The following BRDT variants were observed in gnomAD, a reference collection of about 807,000 sequenced individuals.
The protein encoded by BRDT is bromodomain testis associated.
In BRDT, 77 loss-of-function variants were observed where a neutral mutation model predicts 113.9. That is an observed-to-expected ratio of 0.68 (90% CI 0.56 to 0.82). The LOEUF is 0.82. BRDT is among the 40% of genes least tolerant of loss of function. BRDT has a pLI of 0.00. For synonymous variants in BRDT, 358 were observed against 366.5 expected (o/e 0.98, Z 0.26); for missense variants, 1,027 against 1,105.4 (o/e 0.93, Z 1.01).
At chr1:91,954,579 C>T (rs1169509740) in intron 1 of BRDT, among the ~76,000 whole-genome samples, 1 of 152,220 alleles carries the variant, frequency 6.6e-6, no homozygotes, top group Non-Finnish European at 1.5e-5. Context: ...CGTGTATGAC[C>T]CATCTTTCTA....
intron 1 of BRDT, chr1:91,950,587 G>A (rs1392167060): frequency 1.3e-5 from 2 of 148,764 alleles, no homozygotes; most frequent in Non-Finnish European, 3.0e-5. Flanking sequence ...ACAAATAGAA[G>A]TTAGACTAAA....
chr1:91,968,287 G>T, intron 4 of BRDT, 27 bp downstream of exon 4: 1 of 1,608,550 alleles, frequency 6.2e-7, no homozygotes, highest in South Asian at 1.1e-5. Context: ...ACACTTTATG[G>T]TTCTCTCTCT....
intron 1 of BRDT, among the ~76,000 whole-genome samples, chr1:91,954,271 ATTTTTTTTT>A (rs34674557): frequency 1.3e-5 from 1 of 79,764 alleles, no homozygotes; most frequent in African/African-American, 5.1e-5. Flanking sequence ...GGTGCTCGGC[ATTTTTTTTT>A]TTTTTTTTTT....
chr1:91,984,203 T>C (rs568339385), intron 12 of BRDT, among the ~76,000 whole-genome samples: 1 of 152,316 alleles, frequency 6.6e-6, no homozygotes, highest in East Asian at 1.9e-4. Flanking sequence ...AATTGGACCT[T>C]TTGTCCTAAT....
At chr1:91,949,933 C>T (rs928435951) in intron 1 of BRDT, 1 of 151,002 alleles carries the variant, frequency 6.6e-6, no homozygotes. Flanking sequence ...GCTGCCTGTA[C>T]TGTAATTTTG....
At position 92,005,313 on chromosome 1, in the gene BRDT, A is replaced by C; in HGVS notation, c.2775+14A>C. 6.6e-7 allele frequency: 1 copy of C among 1,518,644 alleles called. No individual in the cohort carries two copies. The highest frequency in any genetic ancestry group is 8.8e-7 in the Non-Finnish European group (1 of 1,139,278). The allele number at this position is 1,518,644 out of a possible 1,614,324, so 94.1% of individuals were successfully genotyped here. ...AGGAGAGAAGCAGTAAGTGAATTTTAGTTTACTAAATCTAATTTAACAAGG... is the reference window on the plus strand; with the variant it reads ...AGGAGAGAAGCAGTAAGTGAATTTTCGTTTACTAAATCTAATTTAACAAGG... On this transcript the variant is annotated intron_variant, in intron 18 of 18. Coordinates refer to ENST00000399546, the MANE Select transcript of BRDT (RefSeq NM_207189.4).
chr1:92,003,033 G>A (rs374893626), intron 16 of BRDT, among the ~76,000 whole-genome samples: 1 of 152,136 alleles, frequency 6.6e-6, no homozygotes, highest in East Asian at 1.9e-4. Context: ...ATCTAAAGGT[G>A]AGAAGGTGGA....
At chr1:91,978,400 C>G (rs769700201) in intron 7 of BRDT, 104 bp downstream of exon 7, 19 of 1,323,862 alleles carry the variant, frequency 1.4e-5, no homozygotes, top group Non-Finnish European at 1.9e-5. Flanking sequence ...TCCTACACCT[C>G]TAAGTATTAA....
At chr1:91,985,278 T>C (rs1685107709) in intron 12 of BRDT, among the ~76,000 whole-genome samples, 1 of 151,798 alleles carries the variant, frequency 6.6e-6, no homozygotes, top group African/African-American at 2.4e-5. Flanking sequence ...GCCAGGATGG[T>C]CTCGATCTCC....
At chr1:91,995,905 T>C (rs926552631) in intron 15 of BRDT, among the ~76,000 whole-genome samples, 2 of 152,266 alleles carry the variant, frequency 1.3e-5, no homozygotes, top group East Asian at 3.9e-4. Flanking sequence ...CCCTATTCTG[T>C]GTTTGAATAT....
intron 15 of BRDT, among the ~76,000 whole-genome samples, chr1:92,001,743 G>A (rs1223485101): frequency 6.6e-6 from 1 of 151,428 alleles, no homozygotes; most frequent in Admixed American, 6.6e-5. Context: ...AGTCTAAACT[G>A]GAGAGCTGCT....
chr1:92,013,416 G>T (rs58972325), intron 18 of BRDT, among the ~76,000 whole-genome samples: 11,427 of 152,086 alleles, frequency 0.075, 437 homozygotes, highest in Non-Finnish European at 0.09. Flanking sequence ...CATTCAAGAA[G>T]CCAACCAACT....
intron 18 of BRDT, among the ~76,000 whole-genome samples, chr1:92,012,731 T>C (rs1021627454): frequency 2.0e-5 from 3 of 146,788 alleles, no homozygotes; most frequent in Admixed American, 2.0e-4. Context: ...GCCAACATAG[T>C]GAAACCCCAT....
chr1:91,965,883 C>G (rs185149489), intron 3 of BRDT, among the ~76,000 whole-genome samples: 208 of 151,928 alleles, frequency 1.4e-3, no homozygotes, highest in African/African-American at 4.7e-3. Context: ...GGGATGAGTC[C>G]TTTGATTCTC....
intron 15 of BRDT, among the ~76,000 whole-genome samples, chr1:91,998,133 T>TTA (rs1686511987): frequency 6.6e-6 from 1 of 152,222 alleles, no homozygotes; most frequent in Non-Finnish European, 1.5e-5. Flanking sequence ...TCCTTATAGT[T>TTA]TACCCTTTCC....
rs2101849936 is a variant in BRDT, at chr1:92,013,413, G to T, written c.2776-793G>T. Among the ~76,000 whole-genome samples the T allele has an allele frequency of 1.3e-5, 2 of 152,188 alleles. 1 individual carries two copies. The highest frequency in any genetic ancestry group is 4.1e-4 in the South Asian group (2 of 4,820). On this transcript the variant is annotated intron_variant, in intron 18 of 18. Transcript: ENST00000399546. Reference sequence around the variant, plus strand: ...AATGAGAATGCTAATTCCCATTCAAGAAGCCAACCAACTGATTGCAAATTG... The same window carrying T: ...AATGAGAATGCTAATTCCCATTCAATAAGCCAACCAACTGATTGCAAATTG...
Position 91,979,628 on chromosome 1 carries a change from A to G in BRDT, c.1158A>G (p.Leu386=), listed in dbSNP as rs1355423709. 6 of 1,613,794 alleles carry G rather than the reference A, an allele frequency of 3.7e-6. No individual in the cohort carries two copies. The East Asian group carries it at 1.3e-4, about 36-fold the overall frequency. The change falls in exon 8 of 19, where the codon TTA becomes TTG. Residue 386 remains leucine, a synonymous_variant. Coordinates refer to ENST00000399546, the MANE Select transcript of BRDT (RefSeq NM_207189.4). ...IPIEPVESMP[L]CYIKTDITET... ...TTGAACCTGTTGAGAGTATGCCTTT[A>G]TGTTACATCAAAACAGATATCACAG... is the stretch of plus-strand genomic sequence containing the variant.
chr1:91,966,793 G>A (rs751107253), intron 3 of BRDT, among the ~76,000 whole-genome samples: 2 of 152,238 alleles, frequency 1.3e-5, no homozygotes, highest in Non-Finnish European at 2.9e-5. Context: ...TATGTTGCCT[G>A]GGTGCGGTGG....
chr1:91,979,016 A>G, intron 7 of BRDT, among the ~76,000 whole-genome samples: 1 of 147,472 alleles, frequency 6.8e-6, no homozygotes, highest in Non-Finnish European at 1.5e-5. Flanking sequence ...AAAAAAAACA[A>G]CAACAACAAC....
Sources: allele counts gnomAD v4.1 joint callset (sites outside exome capture counted in the v4.1 genomes callset), GRCh38; gene constraint gnomAD v4.1.1; transcripts MANE v1.5; gene names NCBI Gene and HGNC (gene_info 2026-07-23, HGNC 2026-07-21).